ANKRD28: variants seen among roughly 807,000 people sequenced by gnomAD.
ANKRD28 encodes serine/threonine-protein phosphatase 6 regulatory ankyrin repeat subunit A.
In ANKRD28, 44 loss-of-function variants were observed where a neutral mutation model predicts 126.5. The observed-to-expected ratio is 0.35, with a 90% CI of 0.27 to 0.45. ANKRD28 has a LOEUF of 0.45. Ranked by LOEUF, ANKRD28 falls within the 20% of genes least tolerant of loss-of-function variation. ANKRD28 has a pLI of 1.00. For missense variants in ANKRD28, 1,110 were observed against 1,316.6 expected, an observed-to-expected ratio of 0.84 and a Z score of 2.43; for synonymous variants, 442 against 468.5, an observed-to-expected ratio of 0.94 and a Z score of 0.73.
chr3:15,857,503 TTGAACTCCTAAC>T (rs2061799486), intron 1 of ANKRD28, among the ~76,000 whole-genome samples: 2 of 152,356 alleles, frequency 1.3e-5, no homozygotes, highest in South Asian at 4.1e-4. Flanking sequence ...CAGGCTGGTC[TTGAACTCCTAAC>T]CTCAAGTGAT....
At chr3:15,858,543 T>C (rs1338346901) in intron 1 of ANKRD28, among the ~76,000 whole-genome samples, 2 of 152,230 alleles carry the variant, frequency 1.3e-5, no homozygotes, top group African/African-American at 2.4e-5. Flanking sequence ...TTCAAATCTG[T>C]TCAACATCTT....
At position 15,711,244 on chromosome 3, in the gene ANKRD28, C is replaced by G. The variant is rs750169581; in HGVS notation, c.1304G>C (p.Gly435Ala). The G allele has an allele frequency of 5.6e-6, 9 of 1,612,474 alleles. No individual in the cohort carries two copies. Among genetic ancestry groups the G allele is most frequent in the Non-Finnish European group, 7.6e-6 (9 of 1,178,924 alleles). Residue 435 changes from glycine (G) to alanine (A), a missense_variant, in exon 12 of 28, where the codon GGC becomes GCC. Coordinates refer to ENST00000683139, the MANE Select transcript of ANKRD28 (RefSeq NM_001349278.2). ...GFDIDTPDDFGRTCLHAAAAG... is the reference protein window; with the variant it reads ...GFDIDTPDDFARTCLHAAAAG... ...TGCAGCTGCATGTAGACAAGTCCTG[C>G]CAAAATCATCTGGGGTATCTATATC...
At chr3:15,670,790 GAGA>G (rs2066257873) in intron 27 of ANKRD28, among the ~76,000 whole-genome samples, 1 of 152,222 alleles carries the variant, frequency 6.6e-6, no homozygotes, top group Admixed American at 6.5e-5. Context: ...AGCAGGCCCA[GAGA>G]AGAATGATTC....
At chr3:15,855,839 G>C (rs947748577) in intron 1 of ANKRD28, among the ~76,000 whole-genome samples, 13 of 152,128 alleles carry the variant, frequency 8.5e-5, no homozygotes, top group Non-Finnish European at 1.6e-4. Flanking sequence ...AAAATATTTC[G>C]GAAGTGGATG....
intron 1 of ANKRD28, among the ~76,000 whole-genome samples, chr3:15,803,607 C>T (rs1248850913): frequency 7.4e-6 from 1 of 135,452 alleles, no homozygotes; most frequent in Non-Finnish European, 1.5e-5. Flanking sequence ...CAGAGCGAGA[C>T]TCCATTTAAA....
At chr3:15,795,559 A>G (rs550463575) in intron 1 of ANKRD28, among the ~76,000 whole-genome samples, 13 of 152,152 alleles carry the variant, frequency 8.5e-5, no homozygotes, top group Non-Finnish European at 1.6e-4. Flanking sequence ...ATCAGATTTT[A>G]TTTCTTGTAA....
chr3:15,769,108 T>C (rs1240130602), intron 2 of ANKRD28, among the ~76,000 whole-genome samples: 2 of 152,180 alleles, frequency 1.3e-5, no homozygotes, highest in South Asian at 2.1e-4. Flanking sequence ...CTGAGAAACA[T>C]CTATTGCACC....
chr3:15,850,292 C>T (rs2061625972), intron 1 of ANKRD28, among the ~76,000 whole-genome samples: 1 of 135,702 alleles, frequency 7.4e-6, no homozygotes, highest in African/African-American at 2.8e-5. Flanking sequence ...ATAGCATATA[C>T]AAAACAACTC....
rs796741179 is a variant in ANKRD28, at chr3:15,854,744, A to T, written c.27+4633T>A. On this transcript the variant is annotated intron_variant, in intron 1 of 27. Coordinates refer to the ANKRD28 transcript ENST00000399451. This position sits in a 1 kb window ranked among gnomAD's most constrained non-coding sequence, Gnocchi z 4.1. ...CTACTTCACCCTTGTGTCCCCTGTC[A>T]TCTCCAGCACAAAACAGGAAGACAC... Among the ~76,000 whole-genome samples, 11 of 151,868 alleles carry T rather than the reference A, an allele frequency of 7.2e-5. No individual in the cohort carries two copies. Among genetic ancestry groups the T allele is most frequent in the African/African-American group, 2.7e-4 (11 of 41,414 alleles).
intron 2 of ANKRD28, among the ~76,000 whole-genome samples, chr3:15,782,399 A>G (rs528605466): frequency 6.6e-6 from 1 of 152,270 alleles, no homozygotes; most frequent in Non-Finnish European, 1.5e-5. Context: ...AGACATTTAT[A>G]ATGAAATTAC....
intron 14 of ANKRD28, among the ~76,000 whole-genome samples, chr3:15,700,882 G>A (rs2070482617): frequency 6.6e-6 from 1 of 152,160 alleles, no homozygotes; most frequent in African/African-American, 2.4e-5. Context: ...CCATAAAAGT[G>A]AAATAGCCTC....
At position 15,814,269 on chromosome 3, in the gene ANKRD28, C is replaced by A; in HGVS notation, c.28-18963G>T. The A allele has an allele frequency of 7.9e-7, 1 of 1,264,362 alleles. No homozygotes were observed. The highest frequency in any genetic ancestry group is 1.3e-5 in the South Asian group (1 of 75,498). The allele number at this position is 1,264,362 out of a possible 1,614,324, so 78.3% of individuals were successfully genotyped here. A position where few individuals can be genotyped will look rare whatever the true frequency, so the allele number is the denominator to read the frequency against. The stretch of plus-strand genomic sequence containing the variant: ...ATAGGAATTCCCATACTATTTTCCT[C>A]TGGTGGAGGCAGTTGTACTGTTTCA... On this transcript the variant is annotated intron_variant, in intron 1 of 27. Coordinates refer to the ANKRD28 transcript ENST00000399451. This position sits in a 1 kb window ranked among gnomAD's most constrained non-coding sequence, Gnocchi z 4.7.
intron 9 of ANKRD28, 26 bp downstream of exon 9, chr3:15,714,551 CA>C (rs375073303): frequency 5.4e-4 from 599 of 1,118,072 alleles, no homozygotes; most frequent in East Asian, 1.3e-3. Flanking sequence ...AAAAAAACCC[CA>C]AAAAAAAAAC....
chr3:15,809,682 T>C (rs941006325), intron 1 of ANKRD28, among the ~76,000 whole-genome samples: 1 of 152,174 alleles, frequency 6.6e-6, no homozygotes, highest in Non-Finnish European at 1.5e-5. Flanking sequence ...CCAGTAAATA[T>C]ACTTTTGCAT....
At chr3:15,848,169 T>C (rs116364525) in intron 1 of ANKRD28, among the ~76,000 whole-genome samples, 1 of 152,172 alleles carries the variant, frequency 6.6e-6, no homozygotes, top group Non-Finnish European at 1.5e-5. Flanking sequence ...TAGGCAGATG[T>C]TAGAGAGATT....
chr3:15,857,805 T>C (rs1287107792), intron 1 of ANKRD28, among the ~76,000 whole-genome samples: 3 of 152,196 alleles, frequency 2.0e-5, no homozygotes, highest in Non-Finnish European at 4.4e-5. Context: ...CTAATGCACA[T>C]AGTAATCTAA....
chr3:15,772,652 C>T (rs2059072931), intron 2 of ANKRD28, among the ~76,000 whole-genome samples: 1 of 152,130 alleles, frequency 6.6e-6, no homozygotes, highest in Non-Finnish European at 1.5e-5. Context: ...TTAACAAAAT[C>T]CAACATGTAC....
chr3:15,808,772 T>C (rs976723180), intron 1 of ANKRD28, among the ~76,000 whole-genome samples: 1 of 152,180 alleles, frequency 6.6e-6, no homozygotes, highest in African/African-American at 2.4e-5. Context: ...TGTTTGTTTG[T>C]TTTTAATTGT....
chr3:15,820,004 T>C (rs1017462567), intron 1 of ANKRD28, among the ~76,000 whole-genome samples: 7 of 152,172 alleles, frequency 4.6e-5, no homozygotes, highest in South Asian at 2.1e-4. Context: ...TGAATGTACA[T>C]AGAATATTAA....
Sources: allele counts gnomAD v4.1 joint callset (sites outside exome capture counted in the v4.1 genomes callset), GRCh38; gene constraint gnomAD v4.1.1; non-coding constraint Gnocchi (gnomAD v3.1); transcripts MANE v1.5; gene names NCBI Gene and HGNC (gene_info 2026-07-23, HGNC 2026-07-21).